SMURF2: variants seen among roughly 807,000 people sequenced by gnomAD.
SMURF2 encodes SMAD specific E3 ubiquitin protein ligase 2, also known as E3 ubiquitin-protein ligase SMURF2.
A neutral mutation model predicts 109.6 loss-of-function variants in SMURF2; 48 were observed. That is an observed-to-expected ratio of 0.44 (90% CI 0.35 to 0.56). The LOEUF (loss-of-function observed/expected upper bound fraction) is 0.56, where lower values mean the gene tolerates loss of function less well. SMURF2 is among the 20% of genes least tolerant of loss of function. The pLI is 0.01. For synonymous variants in SMURF2, 288 were observed against 317.1 expected, an observed-to-expected ratio of 0.91 and a Z score of 0.97; for missense variants, 575 against 909.0, an observed-to-expected ratio of 0.63 and a Z score of 4.72.
intron 9 of SMURF2, 121 bp from the exon 10 acceptor site, chr17:64,572,077 G>A (rs782433210): frequency 1.2e-4 from 100 of 853,038 alleles, no homozygotes; most frequent in Middle Eastern, 5.6e-4. Context: ...AGAAACTTGA[G>A]ATGTTCAGCT....
At chr17:64,580,638 A>G (rs374148793) in intron 8 of SMURF2, 151 bp downstream of exon 8, 27 of 760,456 alleles carry the variant, frequency 3.6e-5, no homozygotes, top group African/African-American at 3.2e-4. Context: ...CTACCACTTC[A>G]AAGACTTTTC....
intron 1 of SMURF2, 91 bp from the exon 2 acceptor site, chr17:64,606,731 T>G: frequency 1.1e-6 from 1 of 900,992 alleles, no homozygotes; most frequent in Non-Finnish European, 1.7e-6. Context: ...CAGCAGTGAA[T>G]AGTTAAACCC....
At chr17:64,626,270 A>AC (rs1970268121) in intron 1 of SMURF2, among the ~76,000 whole-genome samples, 1 of 151,830 alleles carries the variant, frequency 6.6e-6, no homozygotes, top group Admixed American at 6.6e-5. Flanking sequence ...AAAAAAAAAA[A>AC]AAAACAAAAA....
chr17:64,550,657 G>A (rs782168663), intron 16 of SMURF2, among the ~76,000 whole-genome samples: 4 of 151,308 alleles, frequency 2.6e-5, no homozygotes, highest in Non-Finnish European at 5.9e-5. Context: ...GCAGGTGCCT[G>A]TAGTCCCAGC....
At chr17:64,559,570 C>A (rs1459151124) in intron 12 of SMURF2, among the ~76,000 whole-genome samples, 1 of 150,986 alleles carries the variant, frequency 6.6e-6, no homozygotes, top group African/African-American at 2.4e-5. Flanking sequence ...TCCAGCCTGG[C>A]GACAGAGTGA....
At chr17:64,569,170 A>G (rs782557153) in intron 10 of SMURF2, among the ~76,000 whole-genome samples, 23 of 151,642 alleles carry the variant, frequency 1.5e-4, no homozygotes, top group Admixed American at 4.6e-4. Flanking sequence ...CGTGGTGGCA[A>G]GCACCTATAA....
intron 16 of SMURF2, among the ~76,000 whole-genome samples, chr17:64,548,331 G>A (rs958760570): frequency 6.6e-6 from 1 of 152,072 alleles, no homozygotes; most frequent in Non-Finnish European, 1.5e-5. Context: ...GGAAGCAACC[G>A]ATAATGCACA....
chr17:64,559,058 C>T (rs1230727928), intron 12 of SMURF2, among the ~76,000 whole-genome samples: 3 of 152,110 alleles, frequency 2.0e-5, no homozygotes, highest in Non-Finnish European at 2.9e-5. Flanking sequence ...AAAGAAGTAA[C>T]GTCTCCACAT....
intron 1 of SMURF2, among the ~76,000 whole-genome samples, chr17:64,656,315 T>G (rs1970704435): frequency 6.6e-6 from 1 of 152,202 alleles, no homozygotes. Flanking sequence ...GTTAATATAT[T>G]TGTAAGTCTC....
At chr17:64,620,844 A>G (rs1223872920) in intron 1 of SMURF2, among the ~76,000 whole-genome samples, 1 of 152,212 alleles carries the variant, frequency 6.6e-6, no homozygotes, top group African/African-American at 2.4e-5. Flanking sequence ...TCCTCAGAAA[A>G]CCACTGACGA....
chr17:64,569,007 A>G (rs2144617508), intron 10 of SMURF2, among the ~76,000 whole-genome samples: 1 of 151,458 alleles, frequency 6.6e-6, no homozygotes, highest in East Asian at 1.9e-4. Flanking sequence ...ATCTCAAAAA[A>G]AATTCCAGAA....
chr17:64,632,455 G>A (rs1157101252), intron 1 of SMURF2, among the ~76,000 whole-genome samples: 3 of 152,292 alleles, frequency 2.0e-5, no homozygotes, highest in South Asian at 2.1e-4. Context: ...CAGGAAATGT[G>A]TGTCTATTAA....
intron 5 of SMURF2, among the ~76,000 whole-genome samples, chr17:64,590,808 A>G (rs1969740736): frequency 6.6e-6 from 1 of 152,218 alleles, no homozygotes; most frequent in Non-Finnish European, 1.5e-5. Flanking sequence ...TAACATTTAT[A>G]AAGTCTGAAC....
intron 1 of SMURF2, among the ~76,000 whole-genome samples, chr17:64,654,974 G>C (rs1009762997): frequency 1.3e-5 from 2 of 151,996 alleles, no homozygotes; most frequent in Non-Finnish European, 2.9e-5. Flanking sequence ...ACCACACCCA[G>C]CCAAAATTCT....
intron 2 of SMURF2, among the ~76,000 whole-genome samples, chr17:64,604,716 C>CCT (rs1555688879): frequency 5.3e-5 from 8 of 152,012 alleles, no homozygotes; most frequent in African/African-American, 1.9e-4. Flanking sequence ...GAGGCCAAGG[C>CCT]AGGAGGATCA....
chr17:64,571,285 C>T (rs1344428689), intron 10 of SMURF2, among the ~76,000 whole-genome samples: 2 of 152,156 alleles, frequency 1.3e-5, no homozygotes, highest in Non-Finnish European at 2.9e-5. Flanking sequence ...TCCTAACATT[C>T]CAAGACAGGT....
In SMURF2 at chr17:64,600,804, CTA is replaced by C. The variant is rs1568190230; in HGVS notation, c.92-2316_92-2315del. On this transcript the variant is annotated intron_variant, in intron 2 of 18. Transcript: ENST00000262435. ...TTCACTCTATCTTGTTATTTTCACT[CTA>C]CTATTTAAATAAATAAACATATAAA... Among the ~76,000 whole-genome samples, 24 of 152,186 alleles carry C rather than the reference CTA, an allele frequency of 1.6e-4. 1 individual carries two copies. The highest frequency in any genetic ancestry group is 5.5e-4 in the African/African-American group (23 of 41,526).
intron 4 of SMURF2, among the ~76,000 whole-genome samples, chr17:64,592,087 C>T (rs782505774): frequency 2.6e-5 from 4 of 152,206 alleles, no homozygotes; most frequent in Non-Finnish European, 4.4e-5. Context: ...GTGGATTCTG[C>T]AGAGCAACTA....
intron 9 of SMURF2, among the ~76,000 whole-genome samples, chr17:64,572,195 G>A (rs1201731389): frequency 6.6e-6 from 1 of 152,074 alleles, no homozygotes; most frequent in African/African-American, 2.4e-5. Flanking sequence ...TAATTTCCTA[G>A]GCTTTAATGT....
Sources: gnomAD v4.1 joint callset for allele counts (sites outside exome capture counted in the v4.1 genomes callset) on GRCh38, gnomAD v4.1.1 for gene constraint, MANE v1.5 for transcripts, NCBI Gene and HGNC (gene_info 2026-07-23, HGNC 2026-07-21) for gene names.